Variants in PDE12 observed in about 807,000 individuals in gnomAD.
PDE12 encodes the protein 2',5'-phosphodiesterase 12.
A neutral mutation model predicts 45.4 loss-of-function variants in PDE12; 26 were observed. The observed-to-expected ratio is 0.57, with a 90% CI of 0.42 to 0.79. PDE12 has a LOEUF of 0.79. PDE12 is among the 30% of genes least tolerant of loss of function. The pLI is 0.00. For missense variants in PDE12, 668 were observed against 790.0 expected (o/e 0.85, Z 1.85); for synonymous variants, 283 against 323.9 (o/e 0.87, Z 1.36).
chr3:57,593,375 G>C, the PDE12 span, among the ~76,000 whole-genome samples: 1 of 152,160 alleles, frequency 6.6e-6, no homozygotes, highest in East Asian at 1.9e-4. Flanking sequence ...TACATAAATA[G>C]ATGGATTTAC....
At chr3:57,584,301 C>G in the PDE12 span, 6 of 1,249,364 alleles carry the variant, frequency 4.8e-6, no homozygotes, top group South Asian at 7.8e-5. Context: ...ACATGCTTAA[C>G]AAAAAGACAA....
the PDE12 span, chr3:57,597,970 A>G: frequency 1.3e-5 from 2 of 152,194 alleles, no homozygotes; most frequent in African/African-American, 4.8e-5. Context: ...CCACCACGCC[A>G]AGTGATTCTG....
chr3:57,610,995 G>T, the PDE12 span, among the ~76,000 whole-genome samples: 1 of 152,036 alleles, frequency 6.6e-6, no homozygotes. Context: ...ATATTACAAG[G>T]CTACAGTAAC....
chr3:57,620,796 A>G, the PDE12 span, among the ~76,000 whole-genome samples: 8 of 152,218 alleles, frequency 5.3e-5, no homozygotes, highest in Admixed American at 5.2e-4. Flanking sequence ...CATGTTGATA[A>G]TTACAAAACA....
At chr3:57,571,206 T>C (rs752676124), downstream of PDE12, among the ~76,000 whole-genome samples, 4 of 151,892 alleles carry the variant, frequency 2.6e-5, no homozygotes, top group Non-Finnish European at 4.4e-5. Context: ...CATGCTGTTA[T>C]ACACATGAAA....
chr3:57,625,572 T>A, the PDE12 span: 1 of 152,512 alleles, frequency 6.6e-6, no homozygotes, highest in African/African-American at 2.4e-5. Flanking sequence ...CTTAAAGCAG[T>A]GATTCCTCCT....
At chr3:57,572,307 A>G in the PDE12 span, 1 of 1,598,808 alleles carries the variant, frequency 6.3e-7, no homozygotes, top group Non-Finnish European at 8.6e-7. Context: ...CACTGTAAAG[A>G]GAAGACAAGA....
At chr3:57,576,938 T>C in the PDE12 span, among the ~76,000 whole-genome samples, 1 of 152,058 alleles carries the variant, frequency 6.6e-6, no homozygotes, top group Non-Finnish European at 1.5e-5. Context: ...TGAACCAAGA[T>C]TCCTAGGGTC....
At chr3:57,650,465 T>A in the PDE12 span, among the ~76,000 whole-genome samples, 4 of 150,120 alleles carry the variant, frequency 2.7e-5, no homozygotes, top group Non-Finnish European at 4.5e-5. Context: ...CACACACACA[T>A]CCTAGCTTTG....
At chr3:57,652,194 T>C in the PDE12 span, among the ~76,000 whole-genome samples, 3 of 152,184 alleles carry the variant, frequency 2.0e-5, no homozygotes, top group Non-Finnish European at 4.4e-5. Context: ...GAAATGACAA[T>C]GTACAACTTT....
At chr3:57,573,627 C>G in the PDE12 span, among the ~76,000 whole-genome samples, 206 of 152,320 alleles carry the variant, frequency 1.4e-3, 2 homozygotes, top group Non-Finnish European at 3.2e-4. Context: ...CTTGCCCAGA[C>G]TGGAGTGCAG....
At chr3:57,559,058 C>G (rs1331570454) in intron 1 of PDE12, among the ~76,000 whole-genome samples, 2 of 151,430 alleles carry the variant, frequency 1.3e-5, no homozygotes, top group East Asian at 4.0e-4. Context: ...GTCTCTACTA[C>G]AAATACAAAA....
chr3:57,620,753 C>G, the PDE12 span, among the ~76,000 whole-genome samples: 1 of 151,954 alleles, frequency 6.6e-6, no homozygotes, highest in Non-Finnish European at 1.5e-5. Flanking sequence ...ATATGATACG[C>G]TTAGAGATAA....
chr3:57,654,876 T>C, the PDE12 span: 2 of 796,678 alleles, frequency 2.5e-6, no homozygotes, highest in Non-Finnish European at 3.0e-6. Flanking sequence ...AAACTTTCAT[T>C]CACACTAATA....
chr3:57,580,044 A>G, the PDE12 span, among the ~76,000 whole-genome samples: 125,950 of 152,086 alleles, frequency 0.83, 52,450 homozygotes, highest in East Asian at 1. Context: ...GACTGAAGCT[A>G]CAGTGAGCCA....
chr3:57,584,742 T>C, the PDE12 span, among the ~76,000 whole-genome samples: 1 of 152,034 alleles, frequency 6.6e-6, no homozygotes, highest in Non-Finnish European at 1.5e-5. Flanking sequence ...TGCGACAAAC[T>C]AGTTGAGTGA....
chr3:57,620,375 A>G, the PDE12 span, among the ~76,000 whole-genome samples: 1 of 151,970 alleles, frequency 6.6e-6, no homozygotes, highest in African/African-American at 2.4e-5. Context: ...ACATGGCAGA[A>G]TCCCCTCTCC....
the PDE12 span, among the ~76,000 whole-genome samples, chr3:57,632,635 A>G: frequency 6.6e-6 from 1 of 152,222 alleles, no homozygotes; most frequent in Non-Finnish European, 1.5e-5. Context: ...TCATAGATAT[A>G]TTACTTTATA....
chr3:57,572,232 T>C, the PDE12 span: 1 of 1,614,090 alleles, frequency 6.2e-7, no homozygotes, highest in Non-Finnish European at 8.5e-7. Context: ...GAAAGCTCAT[T>C]TGACAGCCAG....
Sources: allele counts gnomAD v4.1 joint callset (sites outside exome capture counted in the v4.1 genomes callset), GRCh38; gene constraint gnomAD v4.1.1; transcripts MANE v1.5; gene names NCBI Gene and HGNC (gene_info 2026-07-23, HGNC 2026-07-21).